GALNT13: variants seen among roughly 807,000 people sequenced by gnomAD.
GALNT13 encodes polypeptide N-acetylgalactosaminyltransferase 13.
A neutral mutation model predicts 64.2 loss-of-function variants in GALNT13; 28 were observed. That is an observed-to-expected ratio of 0.44 (90% CI 0.32 to 0.60). The LOEUF (loss-of-function observed/expected upper bound fraction) is 0.60. Ranked by LOEUF, GALNT13 falls within the 20% of genes least tolerant of loss-of-function variation. The pLI, the probability that GALNT13 is intolerant of heterozygous loss-of-function variation, is 0.05. For missense variants in GALNT13, 577 were observed against 669.8 expected (o/e 0.86, Z 1.53); for synonymous variants, 214 against 224.6 (o/e 0.95, Z 0.42).
At chr2:153,341,453 A>G in the GALNT13 span, among the ~76,000 whole-genome samples, 1 of 152,222 alleles carries the variant, frequency 6.6e-6, no homozygotes, top group African/African-American at 2.4e-5. Flanking sequence ...CTTTGCAACT[A>G]GAGAATCTAT....
chr2:153,538,344 A>ATTTTTTTTTTTTTTTTTTTTTT, the GALNT13 span, among the ~76,000 whole-genome samples: 3 of 68,544 alleles, frequency 4.4e-5, no homozygotes, highest in Non-Finnish European at 9.1e-5. Flanking sequence ...TTTTTTTTTT[A>ATTTTTTTTTTTTTTTTTTTTTT]CTTTTTTATT....
the GALNT13 span, among the ~76,000 whole-genome samples, chr2:153,616,736 A>C: frequency 1.3e-5 from 2 of 151,902 alleles, no homozygotes; most frequent in African/African-American, 4.8e-5. Context: ...TTCACTGTTG[A>C]CATATAGAAA....
chr2:153,668,779 A>G, the GALNT13 span, among the ~76,000 whole-genome samples: 1 of 152,126 alleles, frequency 6.6e-6, no homozygotes, highest in Non-Finnish European at 1.5e-5. Context: ...CACACACTTG[A>G]GATGGCAAGG....
the GALNT13 span, among the ~76,000 whole-genome samples, chr2:153,076,015 T>A: frequency 6.8e-4 from 104 of 152,192 alleles, no homozygotes; most frequent in Non-Finnish European, 5.9e-5. Flanking sequence ...TAAATCAGTC[T>A]GCTATTGATG....
the GALNT13 span, among the ~76,000 whole-genome samples, chr2:153,121,672 G>A: frequency 2.2e-4 from 34 of 152,176 alleles, no homozygotes; most frequent in African/African-American, 7.7e-4. Flanking sequence ...GGGACTACAG[G>A]CACCCACGAC....
At chr2:154,380,519 T>G (rs535159736) in intron 9 of GALNT13, among the ~76,000 whole-genome samples, 1 of 152,190 alleles carries the variant, frequency 6.6e-6, no homozygotes, top group South Asian at 2.1e-4. Flanking sequence ...CTAAACAACC[T>G]TATAGTCATC....
the GALNT13 span, among the ~76,000 whole-genome samples, chr2:153,798,277 TAAAC>T: frequency 1.3e-5 from 2 of 152,200 alleles, no homozygotes; most frequent in Admixed American, 1.3e-4. Context: ...AGCATTTACT[TAAAC>T]AAATTATTTA....
the GALNT13 span, among the ~76,000 whole-genome samples, chr2:153,105,908 A>G: frequency 6.6e-6 from 1 of 152,110 alleles, no homozygotes; most frequent in Non-Finnish European, 1.5e-5. Context: ...AGCTTTTACC[A>G]TCTATGCTTT....
intron 9 of GALNT13, among the ~76,000 whole-genome samples, chr2:154,377,547 T>C (rs1357776025): frequency 6.6e-6 from 1 of 152,182 alleles, no homozygotes; most frequent in Non-Finnish European, 1.5e-5. Context: ...CTTTAGTCCA[T>C]ACATTCACCT....
chr2:153,346,642 A>T, the GALNT13 span, among the ~76,000 whole-genome samples: 2 of 152,088 alleles, frequency 1.3e-5, no homozygotes, highest in Non-Finnish European at 2.9e-5. Context: ...CTTAATATAG[A>T]CCCTGGATTT....
At chr2:153,394,410 A>T in the GALNT13 span, among the ~76,000 whole-genome samples, 3 of 152,146 alleles carry the variant, frequency 2.0e-5, no homozygotes, top group African/African-American at 7.2e-5. Flanking sequence ...AATTGGGCCC[A>T]CACAAACATC....
the GALNT13 span, among the ~76,000 whole-genome samples, chr2:153,405,192 G>A: frequency 6.6e-6 from 1 of 152,196 alleles, no homozygotes; most frequent in Non-Finnish European, 1.5e-5. Context: ...AGTGGCAGCT[G>A]TTAACATATT....
intron 3 of GALNT13, among the ~76,000 whole-genome samples, chr2:154,122,107 A>T (rs1467201457): frequency 6.6e-6 from 1 of 152,080 alleles, no homozygotes; most frequent in African/African-American, 2.4e-5. Flanking sequence ...ATAAGTTAAT[A>T]TGTGAATTTT....
At chr2:153,134,403 G>A in the GALNT13 span, among the ~76,000 whole-genome samples, 1 of 151,586 alleles carries the variant, frequency 6.6e-6, no homozygotes, top group Non-Finnish European at 1.5e-5. Context: ...TGTCATTTCC[G>A]GAAGTGAATT....
chr2:153,883,038 T>A (rs552951290), intron 1 of GALNT13, among the ~76,000 whole-genome samples: 74 of 147,190 alleles, frequency 5.0e-4, no homozygotes, highest in South Asian at 1.9e-3. Flanking sequence ...TATGTTATTT[T>A]TATATATATA....
chr2:154,174,671 A>G (rs866847953), intron 4 of GALNT13, among the ~76,000 whole-genome samples: 1 of 152,124 alleles, frequency 6.6e-6, no homozygotes, highest in African/African-American at 2.4e-5. Context: ...CCTTTCTTCT[A>G]TGTAAGGATA....
intron 3 of GALNT13, among the ~76,000 whole-genome samples, chr2:154,116,249 GTCCTCC>G (rs1304142874): frequency 6.6e-6 from 1 of 152,082 alleles, no homozygotes; most frequent in East Asian, 1.9e-4. Flanking sequence ...CTTCATCAGG[GTCCTCC>G]CACACATCCT....
At chr2:153,612,494 A>C in the GALNT13 span, among the ~76,000 whole-genome samples, 1 of 152,202 alleles carries the variant, frequency 6.6e-6, no homozygotes, top group African/African-American at 2.4e-5. Flanking sequence ...TGAAAATTAC[A>C]GTCCTTTCAA....
chr2:154,350,265 A>C (rs1696318277), intron 9 of GALNT13, among the ~76,000 whole-genome samples: 1 of 152,182 alleles, frequency 6.6e-6, no homozygotes, highest in Non-Finnish European at 1.5e-5. Flanking sequence ...TGGGCGAGGC[A>C]GACCCATCCT....
Sources: gnomAD v4.1 joint callset for allele counts (sites outside exome capture counted in the v4.1 genomes callset) on GRCh38, gnomAD v4.1.1 for gene constraint, MANE v1.5 for transcripts, NCBI Gene and HGNC (gene_info 2026-07-23, HGNC 2026-07-21) for gene names.